ATXN1: variants seen among roughly 807,000 people sequenced by gnomAD.
ATXN1 encodes the protein ataxin 1, also known as ataxin-1.
A neutral mutation model predicts 56.4 loss-of-function variants in ATXN1; 8 were observed. The observed-to-expected ratio is 0.14, with a 90% CI of 0.08 to 0.26. The LOEUF (loss-of-function observed/expected upper bound fraction) is 0.26. ATXN1 is among the 10% of genes least tolerant of loss of function. The pLI is 1.00. For synonymous variants in ATXN1, 514 were observed against 494.6 expected (o/e 1.04, Z -0.52); for missense variants, 987 against 1,106.5 (o/e 0.89, Z 1.53).
chr6:16,336,001 T>C (rs544962466), intron 6 of ATXN1, among the ~76,000 whole-genome samples: 27 of 152,374 alleles, frequency 1.8e-4, no homozygotes, highest in African/African-American at 5.8e-4. Context: ...TAAGCCACGA[T>C]ATGTTTTGGT....
chr6:16,672,185 C>A (rs771616667), intron 2 of ATXN1, among the ~76,000 whole-genome samples: 3 of 152,190 alleles, frequency 2.0e-5, no homozygotes, highest in Non-Finnish European at 2.9e-5. Flanking sequence ...ACCTTTCCCC[C>A]CAACACGTTT....
At chr6:16,725,646 T>C (rs1759832630) in intron 2 of ATXN1, among the ~76,000 whole-genome samples, 1 of 152,208 alleles carries the variant, frequency 6.6e-6, no homozygotes, top group Non-Finnish European at 1.5e-5. Flanking sequence ...TCACTTGCAC[T>C]CATTGTGCAT....
intron 2 of ATXN1, chr6:16,667,361 T>C (rs1272590729): frequency 6.6e-6 from 1 of 152,202 alleles, no homozygotes; most frequent in Non-Finnish European, 1.5e-5. Flanking sequence ...TGTTTCAAAG[T>C]GAGGAGTTGG....
intron 6 of ATXN1, among the ~76,000 whole-genome samples, chr6:16,424,895 C>T (rs141047649): frequency 5.3e-5 from 8 of 152,320 alleles, no homozygotes; most frequent in African/African-American, 1.4e-4. Context: ...GTTGGTGTTG[C>T]GTCTCCTCTG....
intron 6 of ATXN1, among the ~76,000 whole-genome samples, chr6:16,431,846 C>G (rs1156670214): frequency 6.6e-6 from 1 of 152,176 alleles, no homozygotes; most frequent in Non-Finnish European, 1.5e-5. Context: ...AATAAATATA[C>G]AACTTGGCCA....
chr6:16,679,107 G>C (rs1167668097), intron 2 of ATXN1, among the ~76,000 whole-genome samples: 2 of 152,096 alleles, frequency 1.3e-5, no homozygotes, highest in Non-Finnish European at 2.9e-5. Context: ...TGGATAGGTG[G>C]GAGGGTGGAT....
intron 3 of ATXN1, among the ~76,000 whole-genome samples, chr6:16,609,938 A>C (rs1319284739): frequency 6.6e-6 from 1 of 152,160 alleles, no homozygotes; most frequent in Non-Finnish European, 1.5e-5. Context: ...CTTACAAAAA[A>C]AAATTAGGAT....
In ATXN1 at chr6:16,608,962, T is replaced by C. The variant is rs77493561; in HGVS notation, c.-488-23055A>G. Among the ~76,000 whole-genome samples the C allele has an allele frequency of 4.6e-3, 705 of 152,238 alleles. 6 individuals are homozygous for C. Among genetic ancestry groups the C allele is most frequent in the East Asian group, 0.031 (161 of 5,174 alleles). ...TTAGAGCACGTCATCAATCTGAACA[T>C]CCATTTCCCACAAATATAAAGATGG... is the stretch of plus-strand genomic sequence containing the variant. On this transcript the variant is annotated intron_variant, in intron 3 of 7. Coordinates refer to ENST00000436367, the MANE Select transcript of ATXN1 (RefSeq NM_001128164.2).
chr6:16,313,799 C>T (rs575497714), intron 7 of ATXN1, among the ~76,000 whole-genome samples: 8 of 152,192 alleles, frequency 5.3e-5, no homozygotes, highest in East Asian at 1.9e-4. Flanking sequence ...TGATCTCAGG[C>T]GATCTGCCCG....
intron 4 of ATXN1, among the ~76,000 whole-genome samples, chr6:16,575,662 G>C (rs1275781463): frequency 1.3e-5 from 2 of 152,182 alleles, no homozygotes; most frequent in Non-Finnish European, 2.9e-5. Flanking sequence ...TTAGGTGTTA[G>C]AGTTACAAGA....
At chr6:16,439,369 GGGGCGGGGC>G (rs1759463135) in intron 6 of ATXN1, among the ~76,000 whole-genome samples, 3 of 24,770 alleles carry the variant, frequency 1.2e-4, no homozygotes, top group Non-Finnish European at 2.8e-4. Flanking sequence ...GGCGGGGCCG[GGGGCGGGGC>G]GGGAATAAGG....
At position 16,303,256 on chromosome 6, in the gene ATXN1, C is replaced by G. The variant is rs1324658569; in HGVS notation, c.*3073G>C. ...AATCTGCCTCCTTCCTCTCCACACT[C>G]CACATTCACTATTCCGTGTGGTGAC... On this transcript the variant is annotated 3_prime_UTR_variant, in exon 8 of 8. Transcript: ENST00000436367. This position sits in a 1 kb window ranked among gnomAD's most constrained non-coding sequence, Gnocchi z 4.3. 3 of 152,438 alleles carry G rather than the reference C, an allele frequency of 2.0e-5. No individual in the cohort carries two copies. The highest frequency in any genetic ancestry group is 2.0e-4 in the Admixed American group (3 of 15,292). The allele number at this position is 152,438 out of a possible 1,614,324, so 9.4% of individuals were successfully genotyped here. A position where few individuals can be genotyped will look rare whatever the true frequency, so the allele number is the denominator to read the frequency against.
chr6:16,624,619 G>A (rs1465864202), intron 3 of ATXN1, among the ~76,000 whole-genome samples: 1 of 152,090 alleles, frequency 6.6e-6, no homozygotes, highest in African/African-American at 2.4e-5. Flanking sequence ...ATTGAGCATT[G>A]CACCATTTTT....
intron 6 of ATXN1, among the ~76,000 whole-genome samples, chr6:16,479,810 C>T (rs1025459170): frequency 1.3e-5 from 2 of 152,104 alleles, no homozygotes; most frequent in African/African-American, 4.8e-5. Flanking sequence ...TGCTGGGAGG[C>T]ATCATTCTTT....
intron 6 of ATXN1, among the ~76,000 whole-genome samples, chr6:16,403,606 C>T (rs1316742939): frequency 6.6e-6 from 1 of 152,200 alleles, no homozygotes; most frequent in Non-Finnish European, 1.5e-5. Flanking sequence ...ACACCTTGGC[C>T]TCCAAAAGTG....
At chr6:16,351,847 G>A (rs1342780941) in intron 6 of ATXN1, among the ~76,000 whole-genome samples, 1 of 152,188 alleles carries the variant, frequency 6.6e-6, no homozygotes, top group Admixed American at 6.5e-5. Context: ...CCAGATGTGT[G>A]CTGACGGTAC....
chr6:16,490,215 C>A (rs144057459), intron 5 of ATXN1, among the ~76,000 whole-genome samples: 3,506 of 151,998 alleles, frequency 0.023, 65 homozygotes, highest in Admixed American at 0.066. Context: ...CTGTGTGTGG[C>A]CTCTCTACTT....
At chr6:16,759,409 T>C (rs1426925371) in intron 1 of ATXN1, among the ~76,000 whole-genome samples, 1 of 152,170 alleles carries the variant, frequency 6.6e-6, no homozygotes, top group African/African-American at 2.4e-5. Flanking sequence ...GCTAAGAATC[T>C]CTTCGGGGAC....
chr6:16,645,832 G>A (rs1392110092), intron 3 of ATXN1, among the ~76,000 whole-genome samples: 2 of 152,108 alleles, frequency 1.3e-5, no homozygotes, highest in Non-Finnish European at 2.9e-5. Flanking sequence ...TTTTGTTAAG[G>A]AAGCTTTGAA....
Sources: allele counts gnomAD v4.1 joint callset (sites outside exome capture counted in the v4.1 genomes callset), GRCh38; gene constraint gnomAD v4.1.1; non-coding constraint Gnocchi (gnomAD v3.1); transcripts MANE v1.5; gene names NCBI Gene and HGNC (gene_info 2026-07-23, HGNC 2026-07-21).